ZNF708: variants seen among roughly 807,000 people sequenced by gnomAD.
ZNF708 encodes zinc finger protein 708.
A neutral mutation model predicts 47.0 loss-of-function variants in ZNF708; 44 were observed. That is an observed-to-expected ratio of 0.94 (90% CI 0.74 to 1.20). The LOEUF (loss-of-function observed/expected upper bound fraction) is 1.20. Among genes scored for constraint, ZNF708 ranks in the 50% most tolerant of loss-of-function variants. The pLI is 0.00. For synonymous variants in ZNF708, 184 were observed against 218.5 expected (o/e 0.84, Z 1.39); for missense variants, 557 against 656.0 (o/e 0.85, Z 1.65).
intron 3 of ZNF708, among the ~76,000 whole-genome samples, chr19:21,298,744 T>C (rs1972595583): frequency 6.6e-6 from 1 of 152,206 alleles, no homozygotes; most frequent in African/African-American, 2.4e-5. Context: ...TATATGGTCA[T>C]ATAAAGAGTC....
intron 3 of ZNF708, among the ~76,000 whole-genome samples, chr19:21,307,451 C>A (rs1972808333): frequency 6.6e-6 from 1 of 151,962 alleles, no homozygotes; most frequent in Admixed American, 6.6e-5. Flanking sequence ...TGGTGAAACC[C>A]CGTCTACTAA....
chr19:21,325,492 C>G (rs918743075), intron 1 of ZNF708, among the ~76,000 whole-genome samples: 4 of 152,144 alleles, frequency 2.6e-5, no homozygotes, highest in Admixed American at 2.6e-4. Context: ...ACAAATGGTA[C>G]TGGGATAATT....
At position 21,293,044 on chromosome 19, in the gene ZNF708, C is replaced by T; in HGVS notation, c.*230G>A. On this transcript the variant is annotated 3_prime_UTR_variant, in exon 4 of 4. Transcript: ENST00000356929. ...GATGTCTTCCAGCTTTGTAGTTTCT[C>T]TCCAGTTTAAGTTTTTTTATGTTTA... 4 of 520,374 alleles carry T rather than the reference C, an allele frequency of 7.7e-6. No individual in the cohort carries two copies. Among genetic ancestry groups the T allele is most frequent in the East Asian group, 3.5e-5 (1 of 28,328 alleles). The allele number at this position is 520,374 out of a possible 1,614,324, so 32.2% of individuals were successfully genotyped here. A position where few individuals can be genotyped will look rare whatever the true frequency, so the allele number is the denominator to read the frequency against.
chr19:21,300,862 G>C (rs1972645984), intron 3 of ZNF708, among the ~76,000 whole-genome samples: 1 of 151,658 alleles, frequency 6.6e-6, no homozygotes, highest in Non-Finnish European at 1.5e-5. Flanking sequence ...AGGTTTCACT[G>C]TGTTAGCCAG....
chr19:21,327,207 C>T (rs1973274751), intron 1 of ZNF708, among the ~76,000 whole-genome samples: 1 of 151,962 alleles, frequency 6.6e-6, no homozygotes, highest in East Asian at 1.9e-4. Context: ...AGGTGACAAA[C>T]CCAGGGAGTG....
chr19:21,309,032 G>A (rs1036874041), intron 3 of ZNF708, among the ~76,000 whole-genome samples: 1 of 152,088 alleles, frequency 6.6e-6, no homozygotes, highest in African/African-American at 2.4e-5. Flanking sequence ...TTAGCTCACT[G>A]TAAACTTGAA....
Position 21,329,335 on chromosome 19 carries a change from G to C in ZNF708, c.-123C>G. On this transcript the variant is annotated 5_prime_UTR_variant, in exon 1 of 4. Coordinates refer to ENST00000356929, the MANE Select transcript of ZNF708 (RefSeq NM_021269.3). ...AAACAGCAGTGAAGACGAGACCGGA[G>C]CTCCGGCTGCAGCAAGAGACAAAGG... 6.8e-7 allele frequency: 1 copy of C among 1,466,342 alleles called. No individual in the cohort carries two copies. Among genetic ancestry groups the C allele is most frequent in the Non-Finnish European group, 9.4e-7 (1 of 1,061,368 alleles). 90.8% of individuals were successfully genotyped at this position (1,466,342 alleles called of 1,614,324 possible).
chr19:21,306,243 T>A (rs1445586868), intron 3 of ZNF708, among the ~76,000 whole-genome samples: 3 of 152,180 alleles, frequency 2.0e-5, no homozygotes, highest in Admixed American at 2.0e-4. Flanking sequence ...TGCATTATAC[T>A]TCAAAATTTC....
In ZNF708 at chr19:21,320,768, T is replaced by TA. The variant is rs55662605; in HGVS notation, c.3+8441dup. On this transcript the variant is annotated intron_variant, in intron 1 of 3. Coordinates refer to ENST00000356929, the MANE Select transcript of ZNF708 (RefSeq NM_021269.3). ...ACATCATGAAATACTCTCTGGCCAT[T>TA]AAAAAAAAAAAAAAAAAAAGAACAG... Among the ~76,000 whole-genome samples the TA allele has an allele frequency of 2.4e-3, 267 of 111,884 alleles. 2 individuals carry two copies. Among genetic ancestry groups the TA allele is most frequent in the African/African-American group, 8.7e-3 (248 of 28,648 alleles). 73.4% of individuals were successfully genotyped at this position (111,884 alleles called of 152,430 possible).
At chr19:21,305,161 C>T (rs62107465) in intron 3 of ZNF708, among the ~76,000 whole-genome samples, 21,318 of 151,648 alleles carry the variant, frequency 0.14, 1,977 homozygotes, top group Non-Finnish European at 0.21. Context: ...CAGGTGCGTG[C>T]CACCACGCCC....
chr19:21,304,132 G>C (rs1374981107), intron 3 of ZNF708, among the ~76,000 whole-genome samples: 1 of 152,096 alleles, frequency 6.6e-6, no homozygotes. Flanking sequence ...TGTACAGGAA[G>C]TGTGTGCCAG....
chr19:21,314,627 T>A (rs903291031), intron 1 of ZNF708, among the ~76,000 whole-genome samples: 3 of 152,318 alleles, frequency 2.0e-5, no homozygotes, highest in Non-Finnish European at 4.4e-5. Context: ...CTGCTTCATC[T>A]ATTTTTCTAA....
chr19:21,297,299 T>TTTTTC lies in ZNF708; in HGVS notation c.227-2561_227-2560insGAAAA, dbSNP rs760318274. Among the ~76,000 whole-genome samples the TTTTTC allele has an allele frequency of 1.6e-4, 14 of 89,158 alleles. 2 individuals are homozygous for TTTTTC. Among genetic ancestry groups the TTTTTC allele is most frequent in the Non-Finnish European group, 2.7e-4 (11 of 40,208 alleles). 58.5% of individuals were successfully genotyped at this position (89,158 alleles called of 152,430 possible). On this transcript the variant is annotated intron_variant, in intron 3 of 3. Transcript: ENST00000356929. ...TTTTTTTTTTTTTTTTTTTTTTTTT[T>TTTTTC]CAGATGGAGTCTCACTCTGTCGCCC... is the stretch of plus-strand genomic sequence containing the variant.
At chr19:21,294,787 T>A in intron 3 of ZNF708, 48 bp from the exon 4 acceptor site, 2 of 1,494,376 alleles carry the variant, frequency 1.3e-6, no homozygotes, top group Non-Finnish European at 1.8e-6. Context: ...CAACTCAGAT[T>A]AATATTTACA....
At position 21,292,241 on chromosome 19, in the gene ZNF708, A is replaced by G. The variant is rs1972410970; in HGVS notation, c.*1033T>C. 1 of 152,260 alleles carries G rather than the reference A, an allele frequency of 6.6e-6. No homozygotes were observed. The highest frequency in any genetic ancestry group is 1.5e-5 in the Non-Finnish European group (1 of 68,082). 9.4% of individuals were successfully genotyped at this position (152,260 alleles called of 1,614,324 possible). On this transcript the variant is annotated 3_prime_UTR_variant, in exon 4 of 4. Transcript: ENST00000356929. ...GAGACAGGGTTTTACCATGTTGACCAGGATGGTCTCAATCTGTTGACCTCA... is the reference window on the plus strand; with the variant it reads ...GAGACAGGGTTTTACCATGTTGACCGGGATGGTCTCAATCTGTTGACCTCA...
chr19:21,299,170 A>G (rs1385793914), intron 3 of ZNF708, among the ~76,000 whole-genome samples: 1 of 152,200 alleles, frequency 6.6e-6, no homozygotes, highest in African/African-American at 2.4e-5. Flanking sequence ...CCTGGCCAAG[A>G]TGGTGAAACC....
intron 3 of ZNF708, among the ~76,000 whole-genome samples, chr19:21,301,115 T>C (rs1972651118): frequency 6.6e-6 from 1 of 152,170 alleles, no homozygotes; most frequent in African/African-American, 2.4e-5. Context: ...AGTAGATTAA[T>C]ATATTCATGA....
intron 1 of ZNF708, among the ~76,000 whole-genome samples, chr19:21,315,011 T>C (rs1162342865): frequency 2.0e-5 from 3 of 152,198 alleles, no homozygotes; most frequent in Non-Finnish European, 4.4e-5. Context: ...AATTACTTGT[T>C]CTGATTAACT....
intron 3 of ZNF708, among the ~76,000 whole-genome samples, chr19:21,300,036 G>C (rs183923970): frequency 6.6e-6 from 1 of 152,194 alleles, no homozygotes; most frequent in Non-Finnish European, 1.5e-5. Context: ...GATAGGCTGG[G>C]TGCAGTGGCT....
Sources: gnomAD v4.1 joint callset for allele counts (sites outside exome capture counted in the v4.1 genomes callset) on GRCh38, gnomAD v4.1.1 for gene constraint, MANE v1.5 for transcripts, NCBI Gene and HGNC (gene_info 2026-07-23, HGNC 2026-07-21) for gene names.